DDX6: variants seen among roughly 807,000 people sequenced by gnomAD.
DDX6 encodes DEAD-box helicase 6.
In DDX6, 7 loss-of-function variants were observed where a neutral mutation model predicts 60.6. That is an observed-to-expected ratio of 0.12 (90% confidence interval 0.07 to 0.22). The LOEUF is 0.22. Among genes scored for constraint, DDX6 ranks in the 10% least tolerant of loss-of-function variants. The pLI is 1.00. For synonymous variants in DDX6, 207 were observed against 201.0 expected, an observed-to-expected ratio of 1.03 and a Z score of -0.25; for missense variants, 270 against 589.9, an observed-to-expected ratio of 0.46 and a Z score of 5.62.
intron 5 of DDX6, 124 bp from the exon 6 acceptor site, chr11:118,765,479 A>G (rs1475137252): frequency 3.1e-6 from 3 of 976,954 alleles, no homozygotes; most frequent in African/African-American, 3.2e-5. Flanking sequence ...AGTGGCTCAC[A>G]CCTGTAACTG....
At position 118,749,434 on chromosome 11, in the gene DDX6, T is replaced by C. The variant is rs1277134113; in HGVS notation, c.*2671A>G. Reference sequence around the variant, plus strand: ...CATCTTTCCATTTAACAATTCCTATTCAAGAGTCAAGCACCAAAACTGGAC... The same window carrying C: ...CATCTTTCCATTTAACAATTCCTATCCAAGAGTCAAGCACCAAAACTGGAC... On this transcript the variant is annotated 3_prime_UTR_variant, in exon 14 of 14. Coordinates refer to ENST00000534980, the MANE Select transcript of DDX6 (RefSeq NM_004397.6). The C allele has an allele frequency of 1.3e-5, 2 of 148,784 alleles. No homozygotes were observed. Among genetic ancestry groups the C allele is most frequent in the Admixed American group, 6.7e-5 (1 of 14,908 alleles). 9.2% of individuals were successfully genotyped at this position (148,784 alleles called of 1,614,324 possible). A position where few individuals can be genotyped will look rare whatever the true frequency, so the allele number is the denominator to read the frequency against.
intron 2 of DDX6, among the ~76,000 whole-genome samples, chr11:118,782,072 C>G (rs2508915): frequency 0.86 from 131,365 of 152,196 alleles, 56,881 homozygotes; most frequent in East Asian, 1. Context: ...AATTAGCCAG[C>G]CATGGTGGCA....
Position 118,751,115 on chromosome 11 carries a change from G to GT in DDX6, c.*989dup, listed in dbSNP as rs60711103. The stretch of plus-strand genomic sequence containing the variant: ...CCCAGAAAAAAAACTTATTTACAAA[G>GT]TTATACAAGTATACACACCCAATTT... On this transcript the variant is annotated 3_prime_UTR_variant, in exon 14 of 14. Transcript: ENST00000534980. The GT allele has an allele frequency of 1, 149,314 of 149,316 alleles. 74,656 individuals are homozygous for GT. Among genetic ancestry groups the GT allele is most frequent in the Middle Eastern group, 1 (284 of 284 alleles). 9.2% of individuals were successfully genotyped at this position (149,316 alleles called of 1,614,324 possible). A position where few individuals can be genotyped will look rare whatever the true frequency, so the allele number is the denominator to read the frequency against.
At chr11:118,783,110 G>A (rs1375614616) in intron 2 of DDX6, among the ~76,000 whole-genome samples, 2 of 151,848 alleles carry the variant, frequency 1.3e-5, no homozygotes, top group African/African-American at 4.8e-5. Context: ...AGTGACGGAG[G>A]TTAAGTATTA....
At chr11:118,786,020 A>C (rs1862062376) in intron 2 of DDX6, 32 bp downstream of exon 2, 1 of 1,590,022 alleles carries the variant, frequency 6.3e-7, no homozygotes. Flanking sequence ...GTTCCCCACA[A>C]GTGTTTATTA....
intron 4 of DDX6, among the ~76,000 whole-genome samples, chr11:118,772,109 G>T (rs1591909514): frequency 6.6e-6 from 1 of 152,200 alleles, no homozygotes; most frequent in South Asian, 2.1e-4. Context: ...AAGGGAACAG[G>T]GGAAGGCAGC....
rs1177464508 is a variant in DDX6 at position 118,747,913 on chromosome 11, C to CG, written c.*4191_*4192insC. ...CAACAAAAACAGAGCCCCCCCCCCCCCCACTGGAACATCTGCCAATTAAGA... is the reference window on the plus strand; with the variant it reads ...CAACAAAAACAGAGCCCCCCCCCCCCGCCACTGGAACATCTGCCAATTAAGA... On this transcript the variant is annotated 3_prime_UTR_variant, in exon 14 of 14. Coordinates refer to ENST00000534980, the MANE Select transcript of DDX6 (RefSeq NM_004397.6). 2 of 139,604 alleles carry CG rather than the reference C, an allele frequency of 1.4e-5. No homozygotes were observed. Among genetic ancestry groups the CG allele is most frequent in the South Asian group, 2.8e-4 (1 of 3,612 alleles). The allele number at this position is 139,604 out of a possible 1,614,324, so 8.6% of individuals were successfully genotyped here.
At chr11:118,768,413 C>T in intron 4 of DDX6, 61 bp from the exon 5 acceptor site, 4 of 1,551,182 alleles carry the variant, frequency 2.6e-6, no homozygotes, top group Non-Finnish European at 3.5e-6. Context: ...AAATTCCTCT[C>T]TGAAATACAC....
intron 7 of DDX6, among the ~76,000 whole-genome samples, chr11:118,762,969 TA>T (rs1212955436): frequency 6.6e-6 from 1 of 152,206 alleles, no homozygotes; most frequent in Non-Finnish European, 1.5e-5. Context: ...ACTCCTCTAC[TA>T]AAAAATTAAA....
chr11:118,754,889 T>TAA lies in DDX6; in HGVS notation c.1277-4_1277-3dup. The TAA allele has an allele frequency of 6.3e-7, 1 of 1,591,020 alleles. No homozygotes were observed. Among genetic ancestry groups the TAA allele is most frequent in the Non-Finnish European group, 8.5e-7 (1 of 1,173,852 alleles). On this transcript the variant is annotated splice_region_variant and splice_polypyrimidine_tract_variant and intron_variant, in intron 12 of 13. Coordinates refer to ENST00000534980, the MANE Select transcript of DDX6 (RefSeq NM_004397.6). Reference sequence around the variant, plus strand: ...CTAAGCCAAGATGACCAAAGCGACCTAAAAAACATGCGTTTAAAAATTTTA... The same window carrying TAA: ...CTAAGCCAAGATGACCAAAGCGACCTAAAAAAAACATGCGTTTAAAAATTTTA...
chr11:118,766,933 T>G lies in DDX6; in HGVS notation c.499+1290A>C, dbSNP rs1297393581. Reference sequence around the variant, plus strand: ...ACAGATCTCGCTCTGTTACCCAGGCTGGAGTGCAGTGACATGATCTTGGCT... The same window carrying G: ...ACAGATCTCGCTCTGTTACCCAGGCGGGAGTGCAGTGACATGATCTTGGCT... On this transcript the variant is annotated intron_variant, in intron 5 of 13. Transcript: ENST00000534980. Among the ~76,000 whole-genome samples, 4 of 150,586 alleles carry G rather than the reference T, an allele frequency of 2.7e-5. No individual in the cohort carries two copies. The East Asian group carries it at 7.9e-4, about 30-fold the overall frequency.
chr11:118,789,297 C>G (rs1353585196), intron 1 of DDX6: 1 of 151,942 alleles, frequency 6.6e-6, no homozygotes, highest in Non-Finnish European at 1.5e-5. Context: ...AGGCTAGTAT[C>G]GAACTCCTGA....
rs374733272 is a variant in DDX6 at position 118,760,111 on chromosome 11, G to A, written c.742-67C>T. ...ATGTCTAAGGTCTTGGTTAATACAT[G>A]GTCAAAGAATAAGGCATCATCCAAC... On this transcript the variant is annotated intron_variant, in intron 7 of 13. Transcript: ENST00000534980. 70 of 1,429,092 alleles carry A rather than the reference G, an allele frequency of 4.9e-5. No individual in the cohort carries two copies. In the East Asian group the frequency reaches 9.4e-4, roughly 19 times the overall value. 88.5% of individuals were successfully genotyped at this position (1,429,092 alleles called of 1,614,324 possible). A position where few individuals can be genotyped will look rare whatever the true frequency, so the allele number is the denominator to read the frequency against.
chr11:118,758,908 G>T lies in DDX6; in HGVS notation c.865-6C>A, dbSNP rs546989202. The T allele has an allele frequency of 1.5e-5, 24 of 1,613,028 alleles. No individual in the cohort carries two copies. The highest frequency in any genetic ancestry group is 1.9e-5 in the Non-Finnish European group (23 of 1,179,492). On this transcript the variant is annotated splice_region_variant and splice_polypyrimidine_tract_variant and intron_variant, in intron 8 of 13. Transcript: ENST00000534980. The stretch of plus-strand genomic sequence containing the variant: ...GGTTTCTGCAAATGGGAATTCTGGG[G>T]GGGGAGCGGGAAAAAGATGAGTCGT...
rs533995291 is a variant in DDX6, at chr11:118,747,849, C to T, written c.*4256G>A. The T allele has an allele frequency of 2.0e-5, 3 of 151,534 alleles. No individual in the cohort carries two copies. The highest frequency in any genetic ancestry group is 2.0e-4 in the Admixed American group (3 of 15,206). The allele number at this position is 151,534 out of a possible 1,614,324, so 9.4% of individuals were successfully genotyped here. On this transcript the variant is annotated 3_prime_UTR_variant, in exon 14 of 14. Transcript: ENST00000534980. ...TTTGGAACCTTATAAACTCAGCAGA[C>T]TCCGGTCCATATATGCGTACATACA...
At chr11:118,790,042 CA>C (rs1309386996) in intron 1 of DDX6, 1 of 152,178 alleles carries the variant, frequency 6.6e-6, no homozygotes, top group Non-Finnish European at 1.5e-5. Flanking sequence ...GTTTCACACC[CA>C]AAACAGTATC....
In DDX6 at chr11:118,750,331, G is replaced by C. The variant is rs1395715878; in HGVS notation, c.*1774C>G. 1 of 151,934 alleles carries C rather than the reference G, an allele frequency of 6.6e-6. No homozygotes were observed. Among genetic ancestry groups the C allele is most frequent in the Non-Finnish European group, 1.5e-5 (1 of 67,982 alleles). The allele number at this position is 151,934 out of a possible 1,614,324, so 9.4% of individuals were successfully genotyped here. A position where few individuals can be genotyped will look rare whatever the true frequency, so the allele number is the denominator to read the frequency against. On this transcript the variant is annotated 3_prime_UTR_variant, in exon 14 of 14. Coordinates refer to ENST00000534980, the MANE Select transcript of DDX6 (RefSeq NM_004397.6). The stretch of plus-strand genomic sequence containing the variant: ...GCCTGGAGATCAGGCCAAACATCAA[G>C]CATGTTGGGAGGGGCACAATTTAAA...
chr11:118,765,021 C>T (rs181672768), intron 6 of DDX6, among the ~76,000 whole-genome samples, 188 bp downstream of exon 6: 28 of 152,210 alleles, frequency 1.8e-4, no homozygotes, highest in African/African-American at 5.5e-4. Context: ...TTTACAATTA[C>T]TAATAAAGTC....
chr11:118,779,542 A>G (rs190479301), intron 4 of DDX6, 90 bp downstream of exon 4: 156 of 765,412 alleles, frequency 2.0e-4, no homozygotes, highest in Non-Finnish European at 3.1e-4. Flanking sequence ...GAGAAATGTT[A>G]GTTCACTGTA....
Sources: gnomAD v4.1 joint callset for allele counts (sites outside exome capture counted in the v4.1 genomes callset) on GRCh38, gnomAD v4.1.1 for gene constraint, MANE v1.5 for transcripts, NCBI Gene and HGNC (gene_info 2026-07-23, HGNC 2026-07-21) for gene names.